RIC8B: variants seen among roughly 807,000 people sequenced by gnomAD.
RIC8B encodes chaperone Ric-8B.
A neutral mutation model predicts 57.5 loss-of-function variants in RIC8B; 16 were observed. The observed-to-expected ratio is 0.28, with a 90% CI of 0.19 to 0.42. RIC8B has a LOEUF of 0.42. RIC8B is among the 10% of genes least tolerant of loss of function. The probability of loss-of-function intolerance (pLI) is 1.00; values close to 1 mark genes in which losing one functional copy is unlikely to be tolerated. For synonymous variants in RIC8B, 216 were observed against 250.8 expected (o/e 0.86, Z 1.31); for missense variants, 481 against 677.0 (o/e 0.71, Z 3.21).
chr12:106,783,845 T>A, intron 1 of RIC8B, 152 bp from the exon 2 acceptor site: 1 of 644,710 alleles, frequency 1.6e-6, no homozygotes, highest in East Asian at 2.8e-5. Flanking sequence ...ACTATTTGTT[T>A]ACATGCCTGT....
At chr12:106,794,610 G>A (rs116434206) in intron 2 of RIC8B, among the ~76,000 whole-genome samples, 2,829 of 152,274 alleles carry the variant, frequency 0.019, 48 homozygotes, top group Middle Eastern at 0.048. Flanking sequence ...ATGTAAGTCA[G>A]TGGGATAACA....
intron 6 of RIC8B, 128 bp downstream of exon 6, chr12:106,844,075 ATCT>A (rs1273057768): frequency 2.9e-6 from 2 of 694,220 alleles, no homozygotes; most frequent in Non-Finnish European, 4.9e-6. Context: ...AATCTTTGAA[ATCT>A]TCTTAATCAA....
intron 6 of RIC8B, among the ~76,000 whole-genome samples, 195 bp downstream of exon 6, chr12:106,844,142 T>C (rs1420069141): frequency 6.6e-6 from 1 of 152,196 alleles, no homozygotes; most frequent in Non-Finnish European, 1.5e-5. Flanking sequence ...AGATCTGCTG[T>C]GTGTGCTGTG....
chr12:106,798,649 C>T (rs919357583), intron 2 of RIC8B, among the ~76,000 whole-genome samples: 1 of 151,928 alleles, frequency 6.6e-6, no homozygotes, highest in Non-Finnish European at 1.5e-5. Flanking sequence ...TGTTAGAAGG[C>T]TGTTACTTAT....
At chr12:106,780,449 AC>A (rs2043714598) in intron 1 of RIC8B, among the ~76,000 whole-genome samples, 1 of 152,198 alleles carries the variant, frequency 6.6e-6, no homozygotes, top group South Asian at 2.1e-4. Context: ...ATTCATAGAA[AC>A]CTGATATTGG....
At chr12:106,817,605 G>T (rs934191787) in intron 3 of RIC8B, among the ~76,000 whole-genome samples, 21 of 151,988 alleles carry the variant, frequency 1.4e-4, no homozygotes, top group Non-Finnish European at 2.6e-4. Context: ...AGATCACGAG[G>T]TCAGGAGATC....
intron 4 of RIC8B, among the ~76,000 whole-genome samples, chr12:106,829,949 C>A (rs1463347597): frequency 6.6e-6 from 1 of 152,166 alleles, no homozygotes; most frequent in Non-Finnish European, 1.5e-5. Context: ...TTAGTTCTCT[C>A]TTTCATCCTG....
intron 9 of RIC8B, among the ~76,000 whole-genome samples, chr12:106,878,011 A>T (rs1395664902): frequency 6.6e-6 from 1 of 152,142 alleles, no homozygotes; most frequent in East Asian, 1.9e-4. Flanking sequence ...TGTCTTGGGT[A>T]ACAATATTTT....
chr12:106,789,586 T>G (rs1435364345), intron 2 of RIC8B, among the ~76,000 whole-genome samples: 1 of 152,106 alleles, frequency 6.6e-6, no homozygotes, highest in Non-Finnish European at 1.5e-5. Context: ...GAGAATGAGA[T>G]AAACCCATCA....
At chr12:106,784,709 C>G (rs2043925512) in intron 2 of RIC8B, among the ~76,000 whole-genome samples, 1 of 152,194 alleles carries the variant, frequency 6.6e-6, no homozygotes. Flanking sequence ...CCTGGCTATA[C>G]AAATGCCAGA....
chr12:106,800,496 G>A (rs1287493952), intron 2 of RIC8B, among the ~76,000 whole-genome samples: 1 of 152,144 alleles, frequency 6.6e-6, no homozygotes, highest in Non-Finnish European at 1.5e-5. Context: ...ACCAGGGATT[G>A]CATTTCAACA....
Position 106,814,677 on chromosome 12 carries a change from A to T in RIC8B, c.133-19A>T. ...TTGAGCCAAATAATGATTTTTGCAT[A>T]CTCGTTCTTGTTTTTCAGAAACTCT... is the stretch of plus-strand genomic sequence containing the variant. On this transcript the variant is annotated intron_variant, in intron 2 of 9. Transcript: ENST00000392837. The T allele has an allele frequency of 6.4e-7, 1 of 1,561,016 alleles. No individual in the cohort carries two copies. Among genetic ancestry groups the T allele is most frequent in the Admixed American group, 1.9e-5 (1 of 51,370 alleles).
At chr12:106,873,092 A>AC (rs1566172420) in intron 9 of RIC8B, 1 of 985,220 alleles carries the variant, frequency 1.0e-6, no homozygotes, top group African/African-American at 1.7e-5. Context: ...AGTCTGAAAT[A>AC]CCCCAGCTTC....
intron 9 of RIC8B, among the ~76,000 whole-genome samples, chr12:106,872,213 G>A (rs948716105): frequency 6.6e-6 from 1 of 152,192 alleles, no homozygotes; most frequent in African/African-American, 2.4e-5. Flanking sequence ...TTCCCTCCCA[G>A]AAGGGATTAA....
intron 4 of RIC8B, among the ~76,000 whole-genome samples, chr12:106,836,378 A>G (rs1156972779): frequency 6.6e-6 from 1 of 152,160 alleles, no homozygotes; most frequent in African/African-American, 2.4e-5. Context: ...CCTGAACTCC[A>G]GACTCACCTA....
intron 4 of RIC8B, among the ~76,000 whole-genome samples, chr12:106,840,151 A>G (rs1287378589): frequency 2.0e-5 from 3 of 152,192 alleles, no homozygotes; most frequent in African/African-American, 7.2e-5. Flanking sequence ...GACCAGCAAG[A>G]TTTATTAACA....
chr12:106,844,172 G>A (rs1387884985), intron 6 of RIC8B, among the ~76,000 whole-genome samples: 1 of 152,172 alleles, frequency 6.6e-6, no homozygotes, highest in African/African-American at 2.4e-5. Flanking sequence ...TTGAACAACA[G>A]ATGAAGTCTT....
chr12:106,784,096 A>G, intron 2 of RIC8B, 52 bp downstream of exon 2: 1 of 1,485,232 alleles, frequency 6.7e-7, no homozygotes, highest in Admixed American at 1.7e-5. Flanking sequence ...TATTGCATTC[A>G]TGGACTTTCT....
chr12:106,864,507 G>C (rs1950059670), intron 8 of RIC8B, among the ~76,000 whole-genome samples: 1 of 152,118 alleles, frequency 6.6e-6, no homozygotes, highest in African/African-American at 2.4e-5. Context: ...TCATTTTATA[G>C]ATGAGAAAAC....
Sources: allele counts gnomAD v4.1 joint callset (sites outside exome capture counted in the v4.1 genomes callset), GRCh38; gene constraint gnomAD v4.1.1; transcripts MANE v1.5; gene names NCBI Gene and HGNC (gene_info 2026-07-23, HGNC 2026-07-21).